Variants in TDRD3 observed in about 807,000 individuals in gnomAD.
TDRD3 encodes tudor domain containing 3, also known as tudor domain-containing protein 3.
Under a neutral mutation model 86.7 loss-of-function variants are expected in TDRD3, and 45 were observed. The observed-to-expected ratio is 0.52, with a 90% CI of 0.41 to 0.67. The LOEUF (loss-of-function observed/expected upper bound fraction) is 0.67, where lower values mean the gene tolerates loss of function less well. Among genes scored for constraint, TDRD3 ranks in the 30% least tolerant of loss-of-function variants. TDRD3 has a pLI of 0.00. For missense variants in TDRD3, 814 were observed against 889.0 expected (o/e 0.92, Z 1.07); for synonymous variants, 298 against 301.7 (o/e 0.99, Z 0.13).
At chr13:60,553,446 G>T (rs956814702) in intron 12 of TDRD3, among the ~76,000 whole-genome samples, 1 of 151,650 alleles carries the variant, frequency 6.6e-6, no homozygotes, top group African/African-American at 2.4e-5. Context: ...CACATTTTCA[G>T]GTTATCTTTT....
At chr13:60,545,024 C>T (rs923852292) in intron 12 of TDRD3, among the ~76,000 whole-genome samples, 9 of 152,164 alleles carry the variant, frequency 5.9e-5, no homozygotes, top group Non-Finnish European at 1.3e-4. Context: ...CAAGCCTGTA[C>T]ATGACAGTTT....
intron 10 of TDRD3, among the ~76,000 whole-genome samples, chr13:60,513,617 G>A (rs952888594): frequency 4.6e-5 from 7 of 152,110 alleles, no homozygotes; most frequent in African/African-American, 7.2e-5. Flanking sequence ...GGAGGCACTC[G>A]GTGAGAGGTA....
At chr13:60,505,811 G>A (rs1023504474) in intron 8 of TDRD3, among the ~76,000 whole-genome samples, 2 of 152,180 alleles carry the variant, frequency 1.3e-5, no homozygotes, top group African/African-American at 4.8e-5. Flanking sequence ...ATGAAATAAA[G>A]TGGAAAGACA....
At chr13:60,479,225 T>G (rs1312229980) in intron 5 of TDRD3, among the ~76,000 whole-genome samples, 1 of 152,226 alleles carries the variant, frequency 6.6e-6, no homozygotes, top group African/African-American at 2.4e-5. Flanking sequence ...TTCAGATAAT[T>G]TTTTGATTTC....
intron 5 of TDRD3, among the ~76,000 whole-genome samples, chr13:60,475,759 T>C (rs1376616979): frequency 6.6e-6 from 1 of 152,244 alleles, no homozygotes; most frequent in Non-Finnish European, 1.5e-5. Flanking sequence ...TGGTATCACA[T>C]TGTGGTTTTG....
intron 12 of TDRD3, among the ~76,000 whole-genome samples, chr13:60,562,324 C>T (rs1437139703): frequency 6.6e-6 from 1 of 150,494 alleles, no homozygotes; most frequent in Middle Eastern, 3.4e-3. Context: ...CTTCCCCCCA[C>T]CCCCGGCAAA....
At chr13:60,463,557 G>A (rs1041069489) in intron 4 of TDRD3, among the ~76,000 whole-genome samples, 2 of 151,844 alleles carry the variant, frequency 1.3e-5, no homozygotes, top group African/African-American at 4.8e-5. Context: ...GGGAAACAAT[G>A]AACAAAGTGA....
intron 12 of TDRD3, among the ~76,000 whole-genome samples, chr13:60,542,872 A>G (rs1167014223): frequency 2.0e-5 from 3 of 151,930 alleles, no homozygotes; most frequent in African/African-American, 7.3e-5. Context: ...TATATGGGCT[A>G]CCCTTACTAC....
At chr13:60,539,834 T>C (rs531057820) in intron 12 of TDRD3, among the ~76,000 whole-genome samples, 81 of 152,114 alleles carry the variant, frequency 5.3e-4, no homozygotes, top group Non-Finnish European at 1.1e-3. Flanking sequence ...ATACATATAA[T>C]CATGAGTTTA....
intron 12 of TDRD3, among the ~76,000 whole-genome samples, chr13:60,538,678 C>CGTAGGT (rs760585251): frequency 1.2e-4 from 18 of 152,132 alleles, no homozygotes; most frequent in Non-Finnish European, 2.4e-4. Flanking sequence ...AGAAAACCTG[C>CGTAGGT]TACTTGTGTT....
At chr13:60,478,184 G>A (rs1234027029) in intron 5 of TDRD3, among the ~76,000 whole-genome samples, 2 of 151,766 alleles carry the variant, frequency 1.3e-5, no homozygotes, top group East Asian at 3.9e-4. Flanking sequence ...AGTTTCTGAG[G>A]ATCTTTTGTA....
chr13:60,408,250 A>C (rs1454683829), intron 1 of TDRD3, among the ~76,000 whole-genome samples: 1 of 152,216 alleles, frequency 6.6e-6, no homozygotes, highest in Non-Finnish European at 1.5e-5. Context: ...AAGTCCAATT[A>C]AACCTCTTTT....
At chr13:60,418,536 A>G (rs1025931694) in intron 1 of TDRD3, among the ~76,000 whole-genome samples, 3 of 152,162 alleles carry the variant, frequency 2.0e-5, no homozygotes, top group Non-Finnish European at 2.9e-5. Context: ...CAGAGTAGAT[A>G]GAGACTCAAC....
At chr13:60,434,559 T>C (rs1955042307) in intron 1 of TDRD3, among the ~76,000 whole-genome samples, 1 of 152,132 alleles carries the variant, frequency 6.6e-6, no homozygotes, top group African/African-American at 2.4e-5. Context: ...TATTTGTCTG[T>C]TCTGTGAGTA....
upstream of TDRD3, chr13:60,396,337 G>A (rs899058719): frequency 6.6e-6 from 1 of 152,254 alleles, no homozygotes; most frequent in Admixed American, 6.5e-5. Context: ...AGCGCCTCTT[G>A]GGCCCGCGTA....
intron 1 of TDRD3, among the ~76,000 whole-genome samples, chr13:60,407,001 G>A (rs545541820): frequency 6.6e-6 from 1 of 152,046 alleles, no homozygotes; most frequent in Non-Finnish European, 1.5e-5. Flanking sequence ...TAATAAAGGT[G>A]GATTTTGTAA....
At chr13:60,455,016 C>A (rs1289829269) in intron 3 of TDRD3, among the ~76,000 whole-genome samples, 1 of 152,016 alleles carries the variant, frequency 6.6e-6, no homozygotes, top group Non-Finnish European at 1.5e-5. Flanking sequence ...CGGATTTAAG[C>A]GATTCTCCTG....
At chr13:60,482,304 G>A (rs1956334677) in intron 5 of TDRD3, among the ~76,000 whole-genome samples, 1 of 152,120 alleles carries the variant, frequency 6.6e-6, no homozygotes, top group Admixed American at 6.6e-5. Flanking sequence ...ATGGCTACAA[G>A]CAGAAAGCCA....
At chr13:60,495,899 T>C (rs945758196) in intron 8 of TDRD3, among the ~76,000 whole-genome samples, 4 of 152,114 alleles carry the variant, frequency 2.6e-5, no homozygotes, top group African/African-American at 7.2e-5. Flanking sequence ...CCATAGTTTC[T>C]AATCTTGTGG....
Sources: gnomAD v4.1 joint callset for allele counts (sites outside exome capture counted in the v4.1 genomes callset) on GRCh38, gnomAD v4.1.1 for gene constraint, MANE v1.5 for transcripts, NCBI Gene and HGNC (gene_info 2026-07-23, HGNC 2026-07-21) for gene names.